TSR1: variants seen among roughly 807,000 people sequenced by gnomAD.
TSR1 encodes the protein TSR1 ribosome maturation factor.
TSR1 carries 81 observed loss-of-function variants against 90.9 expected under a neutral mutation model. The ratio of observed to expected loss-of-function variants is 0.89; its 90% CI spans 0.74 to 1.07. The LOEUF is 1.07. Among genes scored for constraint, TSR1 ranks in the 50% least tolerant of loss-of-function variants. TSR1 has a pLI of 0.00. For synonymous variants in TSR1, 362 were observed against 348.8 expected (o/e 1.04, Z -0.42); for missense variants, 989 against 987.3 (o/e 1.00, Z -0.02).
chr17:2,336,340 C>T lies in TSR1; in HGVS notation c.88G>A (p.Asp30Asn). The change falls in exon 1 of 15, where the codon GAC becomes AAC. Residue 30 changes from aspartate (D) to asparagine (N), a missense_variant. Transcript: ENST00000301364. ...TACGTTATCTCCTTACCCTTGCCGT[C>T]CCGCTGTGCAGATCCCCGACCCCGA... ...RHRGRGSAQRDGKGRLALKTL... is the reference protein window; with the variant it reads ...RHRGRGSAQRNGKGRLALKTL... 1.2e-6 allele frequency: 2 copies of T among 1,614,146 alleles called. No individual in the cohort carries two copies. The highest frequency in any genetic ancestry group is 2.2e-5 in the East Asian group (1 of 44,892).
At chr17:2,331,133 G>C (rs1453790979) in intron 8 of TSR1, 24 bp from the exon 9 acceptor site, 8 of 1,553,270 alleles carry the variant, frequency 5.2e-6, no homozygotes, top group Non-Finnish European at 6.9e-6. Flanking sequence ...GATTTTTAAA[G>C]ACATTAAGTC....
chr17:2,333,456 C>T, intron 6 of TSR1, 101 bp downstream of exon 6: 1 of 1,415,480 alleles, frequency 7.1e-7, no homozygotes, highest in Non-Finnish European at 9.9e-7. Flanking sequence ...TTCAACTATA[C>T]CCCCACCCCA....
At chr17:2,334,953 T>G in intron 4 of TSR1, 57 bp from the exon 5 acceptor site, 2 of 1,539,994 alleles carry the variant, frequency 1.3e-6, no homozygotes, top group South Asian at 2.4e-5. Context: ...TAAAAATCCC[T>G]CTGCAGTTCA....
chr17:2,329,453 A>C lies in TSR1; in HGVS notation c.1793T>G (p.Val598Gly). The C allele has an allele frequency of 6.2e-7, 1 of 1,614,184 alleles. No homozygotes were observed. The highest frequency in any genetic ancestry group is 8.5e-7 in the Non-Finnish European group (1 of 1,180,026). ...EQKMSVLNMV[V>G]RRDPGNTEPV... ...TTCAGTGTTGCCAGGGTCACGCCTC[A>C]CCACCATATTCAATACTGACATCTG... Residue 598 changes from valine to glycine, a missense_variant, in exon 11 of 15, where the codon GTG becomes GGG. Physicochemically the swap from Val to Gly is moderately radical, Grantham distance 109. Coordinates refer to ENST00000301364, the MANE Select transcript of TSR1 (RefSeq NM_018128.5).
chr17:2,336,399 T>C lies in TSR1; in HGVS notation c.29A>G (p.Lys10Arg), dbSNP rs1567787925. 2 of 1,612,562 alleles carry C rather than the reference T, an allele frequency of 1.2e-6. No individual in the cohort carries two copies. The highest frequency in any genetic ancestry group is 2.2e-5 in the East Asian group (1 of 44,892). The change falls in exon 1 of 15, where the codon AAG becomes AGG. Residue 10 changes from lysine to arginine, a missense_variant. By Grantham distance (26) the Lys-to-Arg change is conservative. Transcript: ENST00000301364. MAAHRPGPL[K>R]QQNKAHKGGR... ...GCCTTTATGAGCTTTATTCTGCTGC[T>C]TGAGCGGGCCGGGGCGGTGGGCCGC...
intron 12 of TSR1, chr17:2,325,032 G>A (rs1018688190): frequency 1.6e-6 from 1 of 623,842 alleles, no homozygotes; most frequent in Admixed American, 3.5e-5. Context: ...GAGAAATGAT[G>A]TATAACAAAA....
chr17:2,330,485 C>G, intron 10 of TSR1, 30 bp downstream of exon 10: 2 of 1,591,568 alleles, frequency 1.3e-6, no homozygotes, highest in Non-Finnish European at 1.7e-6. Flanking sequence ...GTTTCACAAC[C>G]CCCCATTTTC....
In TSR1 at chr17:2,336,116, C is replaced by T. The variant is rs377006590; in HGVS notation, c.122G>A (p.Ser41Asn). Residue 41 changes from serine to asparagine, a missense_variant, in exon 2 of 15, where the codon AGC (serine) becomes AAC (asparagine). Transcript: ENST00000301364. ...GKGRLALKTL[S>N]KKVRKELSRV... Reference sequence around the variant, plus strand: ...GCTGAGTTCTTTTCTCACCTTCTTGCTTAGGGTTTTCAGTGCCAGACGGCC... The same window carrying T: ...GCTGAGTTCTTTTCTCACCTTCTTGTTTAGGGTTTTCAGTGCCAGACGGCC... 18 of 1,614,216 alleles carry T rather than the reference C, an allele frequency of 1.1e-5. No homozygotes were observed. In the African/African-American group the frequency reaches 2.0e-4, roughly 18 times the overall value.
intron 11 of TSR1, 128 bp downstream of exon 11, chr17:2,329,215 C>T: frequency 7.2e-7 from 1 of 1,380,504 alleles, no homozygotes; most frequent in East Asian, 2.3e-5. Context: ...GCTCTTAAGC[C>T]AGAGTACTGA....
At chr17:2,331,222 T>C (rs774063274) in intron 8 of TSR1, 113 bp from the exon 9 acceptor site, 67 of 879,088 alleles carry the variant, frequency 7.6e-5, no homozygotes, top group Non-Finnish European at 9.8e-5. Flanking sequence ...CCAATCATCC[T>C]CTCTCCAAAC....
At chr17:2,333,210 A>AT in intron 6 of TSR1, 86 bp from the exon 7 acceptor site, 1 of 1,432,752 alleles carries the variant, frequency 7.0e-7, no homozygotes, top group Non-Finnish European at 9.7e-7. Flanking sequence ...GGCACCAGAT[A>AT]CTGCTGCCAA....
chr17:2,322,545 G>C lies in TSR1; in HGVS notation c.*1651C>G, dbSNP rs1296648340. ...AGACGGAGTCTCACTCTGTCACCCA[G>C]GCTGGAGTGCAGTGGCACGATCTTG... is the stretch of plus-strand genomic sequence containing the variant. On this transcript the variant is annotated 3_prime_UTR_variant, in exon 15 of 15. Coordinates refer to ENST00000301364, the MANE Select transcript of TSR1 (RefSeq NM_018128.5). 1 of 152,232 alleles carries C rather than the reference G, an allele frequency of 6.6e-6. No homozygotes were observed. The highest frequency in any genetic ancestry group is 1.5e-5 in the Non-Finnish European group (1 of 68,258). 9.4% of individuals were successfully genotyped at this position (152,232 alleles called of 1,614,324 possible).
At chr17:2,336,222 G>A (rs1156947032) in intron 1 of TSR1, 82 bp from the exon 2 acceptor site, 30 of 1,600,712 alleles carry the variant, frequency 1.9e-5, no homozygotes, top group Non-Finnish European at 2.6e-5. Context: ...ACCTTAGAAA[G>A]GGCCTTTCGC....
chr17:2,324,074 T>G lies in TSR1; in HGVS notation c.*122A>C, dbSNP rs2075557827. Reference sequence around the variant, plus strand: ...TTTTGTCAAGGCTAAAAAAAAGTCTTGCAAAATGGGGCAGTGGACTGACAG... The same window carrying G: ...TTTTGTCAAGGCTAAAAAAAAGTCTGGCAAAATGGGGCAGTGGACTGACAG... On this transcript the variant is annotated 3_prime_UTR_variant, in exon 15 of 15. Coordinates refer to ENST00000301364, the MANE Select transcript of TSR1 (RefSeq NM_018128.5). The G allele has an allele frequency of 1.2e-5, 17 of 1,382,804 alleles. No individual in the cohort carries two copies. The South Asian group carries it at 2.3e-4, about 19-fold the overall frequency. 85.7% of individuals were successfully genotyped at this position (1,382,804 alleles called of 1,614,324 possible). A position where few individuals can be genotyped will look rare whatever the true frequency, so the allele number is the denominator to read the frequency against.
chr17:2,331,200 C>A (rs1215163484), intron 8 of TSR1, 91 bp from the exon 9 acceptor site: 4 of 1,062,176 alleles, frequency 3.8e-6, no homozygotes, highest in South Asian at 2.1e-5. Context: ...AAGGAGCTAG[C>A]TGAAAAGAAC....
At position 2,323,733 on chromosome 17, in the gene TSR1, T is replaced by C; in HGVS notation, c.*463A>G. The C allele has an allele frequency of 6.2e-7, 1 of 1,614,218 alleles. No individual in the cohort carries two copies. On this transcript the variant is annotated 3_prime_UTR_variant, in exon 15 of 15. Transcript: ENST00000301364. ...TGGTGTTGGAGTGGCTGCTGTGCTG[T>C]CTCAACATTTTCAAACTGTTTCCCC...
chr17:2,332,453 C>G, intron 7 of TSR1, 94 bp from the exon 8 acceptor site: 2 of 1,074,276 alleles, frequency 1.9e-6, no homozygotes, highest in Non-Finnish European at 2.7e-6. Context: ...TGTACTAGAT[C>G]CCTATTCCCA....
At position 2,324,152 on chromosome 17, in the gene TSR1, G is replaced by A. The variant is rs770603354; in HGVS notation, c.*44C>T. On this transcript the variant is annotated 3_prime_UTR_variant, in exon 15 of 15. Coordinates refer to ENST00000301364, the MANE Select transcript of TSR1 (RefSeq NM_018128.5). ...ATCACAACTTGTGCCTCCCATCCCT[G>A]GAGTACTGACTGGCACCGGTAAGAC... 2 of 1,509,954 alleles carry A rather than the reference G, an allele frequency of 1.3e-6. No homozygotes were observed. Among genetic ancestry groups the A allele is most frequent in the Non-Finnish European group, 8.8e-7 (1 of 1,133,330 alleles). 93.5% of individuals were successfully genotyped at this position (1,509,954 alleles called of 1,614,324 possible). A position where few individuals can be genotyped will look rare whatever the true frequency, so the allele number is the denominator to read the frequency against.
rs949147831 is a variant in TSR1 at position 2,323,217 on chromosome 17, C to T, written c.*979G>A. On this transcript the variant is annotated 3_prime_UTR_variant, in exon 15 of 15. Coordinates refer to ENST00000301364, the MANE Select transcript of TSR1 (RefSeq NM_018128.5). ...CTACCAGTCCAAGCTGAAGGGGAAA[C>T]TGATGCCCAATCTTTATCCTCCAGA... The T allele has an allele frequency of 1.9e-5, 31 of 1,614,104 alleles. No homozygotes were observed. The African/African-American group carries it at 3.2e-4, about 17-fold the overall frequency.
Sources: gnomAD v4.1 joint callset for allele counts on GRCh38, gnomAD v4.1.1 for gene constraint, MANE v1.5 for transcripts, NCBI Gene and HGNC (gene_info 2026-07-23, HGNC 2026-07-21) for gene names.